SDK2: variants seen among roughly 807,000 people sequenced by gnomAD.
SDK2 encodes the protein protein sidekick-2.
A neutral mutation model predicts 253.9 loss-of-function variants in SDK2; 105 were observed. That is an observed-to-expected ratio of 0.41 (90% confidence interval 0.35 to 0.49). SDK2 has a LOEUF of 0.49. Ranked by LOEUF, SDK2 falls within the 20% of genes least tolerant of loss-of-function variation. The pLI is 0.06. For synonymous variants in SDK2, 1,249 were observed against 1,234.9 expected (o/e 1.01, Z -0.24); for missense variants, 2,608 against 3,003.0 (o/e 0.87, Z 3.07).
intron 6 of SDK2, 22 bp from the exon 7 acceptor site, chr17:73,438,176 C>T (rs2063385796): frequency 3.9e-6 from 6 of 1,542,952 alleles, no homozygotes; most frequent in Non-Finnish European, 5.3e-6. Flanking sequence ...AAGGGAAGGC[C>T]AGTGTTCAGC....
At chr17:73,434,502 C>T (rs980305822) in intron 9 of SDK2, among the ~76,000 whole-genome samples, 1 of 152,216 alleles carries the variant, frequency 6.6e-6, no homozygotes, top group Non-Finnish European at 1.5e-5. Flanking sequence ...CTGCCCTGTC[C>T]GCGGCCTCTG....
rs1320889649 is a variant in SDK2 at position 73,401,124 on chromosome 17, G to A, written c.2867C>T (p.Thr956Met). 5 of 1,562,828 alleles carry A rather than the reference G, an allele frequency of 3.2e-6. No individual in the cohort carries two copies. The highest frequency in any genetic ancestry group is 3.5e-6 in the Non-Finnish European group (4 of 1,153,526). The change falls in exon 21 of 45, where the codon ACG becomes ATG. Residue 956 changes from threonine to methionine, a missense_variant. By Grantham distance (81) the Thr-to-Met change is moderately conservative. This residue lies in a region of SDK2 where 1,505 missense variants were observed against 1,859.1 expected (regional missense o/e 0.81). Transcript: ENST00000392650. ...GTAGGTGGTGAGCGCGGTGAGGCCC[G>A]TGACACGGTACTCCAGGGTCACGTT... ...LPNVTLEYRV[T>M]GLTALTTYTI...
At chr17:73,476,175 T>C (rs1339110007) in intron 2 of SDK2, among the ~76,000 whole-genome samples, 1 of 152,222 alleles carries the variant, frequency 6.6e-6, no homozygotes, top group Non-Finnish European at 1.5e-5. Flanking sequence ...TAAAGAATAG[T>C]GTGATGACAT....
intron 16 of SDK2, among the ~76,000 whole-genome samples, chr17:73,418,860 A>G (rs2063204314): frequency 6.6e-6 from 1 of 152,112 alleles, no homozygotes; most frequent in African/African-American, 2.4e-5. Context: ...GGCTTCCCAG[A>G]GCGTTGCCCC....
chr17:73,351,622 G>A lies in SDK2; in HGVS notation c.5759-832C>T, dbSNP rs370713755. Among the ~76,000 whole-genome samples the A allele has an allele frequency of 1.4e-4, 21 of 152,158 alleles. No homozygotes were observed. The East Asian group carries it at 2.5e-3, about 18-fold the overall frequency. On this transcript the variant is annotated intron_variant, in intron 41 of 44. Coordinates refer to ENST00000392650, the MANE Select transcript of SDK2 (RefSeq NM_001144952.2). ...TTAGTAAAAGGTGAAAGATTTACAC[G>A]ATCTGAAGAAAAACCAGAGTGTGGT... is the stretch of plus-strand genomic sequence containing the variant.
intron 16 of SDK2, among the ~76,000 whole-genome samples, chr17:73,417,590 T>C (rs1302597669): frequency 1.3e-5 from 2 of 151,906 alleles, no homozygotes; most frequent in African/African-American, 2.4e-5. Flanking sequence ...TGGGGGAGGA[T>C]TGCTAACCAG....
At chr17:73,569,791 A>G (rs2045358407) in intron 1 of SDK2, among the ~76,000 whole-genome samples, 1 of 152,046 alleles carries the variant, frequency 6.6e-6, no homozygotes, top group African/African-American at 2.4e-5. Context: ...GGGCGATGAG[A>G]ACCCCCGCAA....
rs1313802307 is a variant in SDK2, at chr17:73,401,755, G to A, written c.2681-3C>T. 6.4e-7 allele frequency: 1 copy of A among 1,570,016 alleles called. No individual in the cohort carries two copies. The highest frequency in any genetic ancestry group is 2.3e-5 in the East Asian group (1 of 42,964). ...CAGGTGTCCCACGGGCCCAGGCACT[G>A]CACCCCAAAAGGAACCCCCACCCCC... On this transcript the variant is annotated splice_region_variant and splice_polypyrimidine_tract_variant and intron_variant, in intron 19 of 44. Transcript: ENST00000392650.
intron 18 of SDK2, among the ~76,000 whole-genome samples, chr17:73,414,342 C>G (rs1222665642): frequency 6.6e-6 from 1 of 152,050 alleles, no homozygotes; most frequent in Admixed American, 6.6e-5. Flanking sequence ...GCCACTGTGC[C>G]CGGCCCCTAC....
chr17:73,342,980 C>T (rs1462091191), intron 44 of SDK2, among the ~76,000 whole-genome samples: 2 of 152,146 alleles, frequency 1.3e-5, no homozygotes, highest in Non-Finnish European at 1.5e-5. Flanking sequence ...GCCAGGAAGC[C>T]GGGGAGGCTG....
chr17:73,376,034 A>T (rs1192308109), intron 36 of SDK2, among the ~76,000 whole-genome samples: 2 of 150,832 alleles, frequency 1.3e-5, no homozygotes, highest in African/African-American at 2.4e-5. Flanking sequence ...TCTCTACTAA[A>T]AACACAAAAA....
chr17:73,533,687 C>T (rs1222155799), intron 1 of SDK2, among the ~76,000 whole-genome samples: 2 of 136,246 alleles, frequency 1.5e-5, no homozygotes, highest in East Asian at 2.7e-4. Context: ...CCCCCCACCC[C>T]CCCACCCCCC....
chr17:73,461,631 TTGGATGGATGGG>T (rs1176110514), intron 3 of SDK2, among the ~76,000 whole-genome samples: 1 of 151,852 alleles, frequency 6.6e-6, no homozygotes, highest in African/African-American at 2.4e-5. Context: ...GGATGGATGT[TTGGATGGATGGG>T]GGGATGGAAG....
intron 1 of SDK2, among the ~76,000 whole-genome samples, chr17:73,563,398 A>T (rs1225107894): frequency 6.6e-6 from 1 of 152,054 alleles, no homozygotes; most frequent in Non-Finnish European, 1.5e-5. Flanking sequence ...ACACAGTGAG[A>T]CCCCACCTCT....
At chr17:73,381,937 G>A (rs1347857312) in intron 33 of SDK2, among the ~76,000 whole-genome samples, 4 of 151,560 alleles carry the variant, frequency 2.6e-5, no homozygotes, top group African/African-American at 2.4e-5. Context: ...AACAAAAGCC[G>A]GGCGCAGTGA....
In SDK2 at chr17:73,465,732, T is replaced by C. The variant is rs1485094453; in HGVS notation, c.331+6380A>G. 6.6e-6 allele frequency among the ~76,000 whole-genome samples: 1 copy of C among 152,192 alleles called. No individual in the cohort carries two copies. Among genetic ancestry groups the C allele is most frequent in the African/African-American group, 2.4e-5 (1 of 41,450 alleles). On this transcript the variant is annotated intron_variant, in intron 3 of 44. Transcript: ENST00000392650. The surrounding 1 kb of genome is among the most constrained non-coding windows in gnomAD (Gnocchi z 4.2). ...GCACAGCTGCCTTATTAATTTCTCA[T>C]TAGAACCCAATTCACAGTTCTCTTT...
At position 73,401,690 on chromosome 17, in the gene SDK2, A is replaced by G; in HGVS notation, c.2743T>C (p.Trp915Arg). ...CCATTTTTCTCTCCCGGCTCTTGCC[A>G]GCTGACCTTCAGCGATGTGTCCAGG... ...EILDTSLKVS[W>R]QEPGEKNGIL... The change falls in exon 20 of 45, where the codon TGG becomes CGG. Residue 915 changes from tryptophan (W) to arginine (R), a missense_variant. Transcript: ENST00000392650. The G allele has an allele frequency of 6.3e-7, 1 of 1,595,456 alleles. No individual in the cohort carries two copies. The highest frequency in any genetic ancestry group is 8.5e-7 in the Non-Finnish European group (1 of 1,170,264).
chr17:73,584,074 C>T (rs2045571973), intron 1 of SDK2, among the ~76,000 whole-genome samples: 1 of 152,236 alleles, frequency 6.6e-6, no homozygotes, highest in African/African-American at 2.4e-5. Context: ...CCTTCTCTAG[C>T]AGTACGGACG....
intron 31 of SDK2, 108 bp downstream of exon 31, chr17:73,386,337 C>T (rs2062871643): frequency 1.2e-6 from 1 of 826,506 alleles, no homozygotes; most frequent in Non-Finnish European, 2.0e-6. Context: ...CCCAGTGGGT[C>T]CCACGCCTCT....
Sources: allele counts gnomAD v4.1 joint callset (sites outside exome capture counted in the v4.1 genomes callset), GRCh38; gene constraint gnomAD v4.1.1; regional missense constraint gnomAD v4.1.1; non-coding constraint Gnocchi (gnomAD v3.1); transcripts MANE v1.5; gene names NCBI Gene and HGNC (gene_info 2026-07-23, HGNC 2026-07-21).